Variants in PIK3R5 observed in about 807,000 individuals in gnomAD.
The protein encoded by PIK3R5 is phosphoinositide 3-kinase regulatory subunit 5.
In PIK3R5, 32 loss-of-function variants were observed where a neutral mutation model predicts 94.9. The observed-to-expected ratio is 0.34, with a 90% CI of 0.25 to 0.45. PIK3R5 has a LOEUF of 0.45. Among genes scored for constraint, PIK3R5 ranks in the 20% least tolerant of loss-of-function variants. The pLI, the probability that PIK3R5 is intolerant of heterozygous loss-of-function variation, is 1.00. For missense variants in PIK3R5, 853 were observed against 1,144.6 expected (o/e 0.75, Z 3.68); for synonymous variants, 443 against 479.4 (o/e 0.92, Z 0.99).
chr17:8,925,797 C>T lies in PIK3R5; in HGVS notation c.-13-14290G>A, dbSNP rs1175274108. 6.6e-6 allele frequency among the ~76,000 whole-genome samples: 1 copy of T among 152,188 alleles called. No homozygotes were observed. Among genetic ancestry groups the T allele is most frequent in the Non-Finnish European group, 1.5e-5 (1 of 68,036 alleles). The stretch of plus-strand genomic sequence containing the variant: ...CCTTGGATGCTTCATCCCCTTTTGT[C>T]TTTTCCTTTAATGCAGATAGATGCA... On this transcript the variant is annotated intron_variant, in intron 1 of 18. Transcript: ENST00000447110. The surrounding 1 kb of genome is among the most constrained non-coding windows in gnomAD (Gnocchi z 5.1).
intron 1 of PIK3R5, among the ~76,000 whole-genome samples, chr17:8,962,307 A>C (rs1479574207): frequency 6.6e-6 from 1 of 152,250 alleles, no homozygotes; most frequent in African/African-American, 2.4e-5. Context: ...AAAGAGAACG[A>C]AGCATGAATG....
At chr17:8,960,911 T>C (rs944260682) in intron 1 of PIK3R5, among the ~76,000 whole-genome samples, 25 of 144,006 alleles carry the variant, frequency 1.7e-4, no homozygotes, top group East Asian at 9.1e-4. Context: ...GACGCCTTGC[T>C]TGTGAGATCC....
intron 1 of PIK3R5, among the ~76,000 whole-genome samples, chr17:8,929,576 G>A (rs1461775542): frequency 6.6e-6 from 1 of 152,106 alleles, no homozygotes. Context: ...AGAAAACATA[G>A]ACAAACTCAT....
At position 8,884,318 on chromosome 17, in the gene PIK3R5, CA is replaced by C. The variant is rs902973120; in HGVS notation, c.2205+388del. Among the ~76,000 whole-genome samples the C allele has an allele frequency of 6.6e-6, 1 of 152,084 alleles. No homozygotes were observed. Among genetic ancestry groups the C allele is most frequent in the African/African-American group, 2.4e-5 (1 of 41,390 alleles). On this transcript the variant is annotated intron_variant, in intron 15 of 18. Coordinates refer to ENST00000447110, the MANE Select transcript of PIK3R5 (RefSeq NM_001142633.3). This position sits in a 1 kb window ranked among gnomAD's most constrained non-coding sequence, Gnocchi z 5.8. ...AGCTCTCCTCACTCCTTTCTCACGC[CA>C]ATCCCATCTTGCATGCAGCCTGCCA...
At position 8,905,690 on chromosome 17, in the gene PIK3R5, G is replaced by A. The variant is rs1302605911; in HGVS notation, c.252C>T (p.Leu84=). The A allele has an allele frequency of 2.5e-6, 4 of 1,606,640 alleles. No homozygotes were observed. The highest frequency in any genetic ancestry group is 3.4e-5 in the Admixed American group (2 of 59,116). The change falls in exon 4 of 19, where the codon CTC becomes CTT. Residue 84 remains leucine (L), a synonymous_variant. Transcript: ENST00000447110. Reference sequence around the variant, plus strand: ...TTACACAAAGAACAGTGGAATAGAAGAGCAGGGCCAGCGGGGTGAGCAGGT... The same window carrying A: ...TTACACAAAGAACAGTGGAATAGAAAAGCAGGGCCAGCGGGGTGAGCAGGT... ...TYDLLTPLAL[L]FYSTVLCTPH...
chr17:8,885,868 C>T (rs1410341103), intron 14 of PIK3R5, among the ~76,000 whole-genome samples: 11 of 108,226 alleles, frequency 1.0e-4, no homozygotes, highest in African/African-American at 1.2e-4. Context: ...AACTCCGCCT[C>T]CCCATGGCCC....
At chr17:8,932,387 A>C (rs540716718) in intron 1 of PIK3R5, among the ~76,000 whole-genome samples, 1 of 152,108 alleles carries the variant, frequency 6.6e-6, no homozygotes, top group Non-Finnish European at 1.5e-5. Flanking sequence ...GGCATGCACT[A>C]CCATGCCCAG....
chr17:8,953,316 C>T (rs979665190), intron 1 of PIK3R5, among the ~76,000 whole-genome samples: 1 of 152,206 alleles, frequency 6.6e-6, no homozygotes, highest in Non-Finnish European at 1.5e-5. Context: ...TTGATGCTTA[C>T]ATAAGGCTAG....
intron 1 of PIK3R5, among the ~76,000 whole-genome samples, chr17:8,964,184 G>C (rs2091620142): frequency 6.6e-6 from 1 of 152,056 alleles, no homozygotes; most frequent in South Asian, 2.1e-4. Flanking sequence ...TGAGCTCAAG[G>C]AATTTGGGAC....
chr17:8,963,374 C>T (rs75622745), intron 1 of PIK3R5, among the ~76,000 whole-genome samples: 6,475 of 152,226 alleles, frequency 0.043, 193 homozygotes, highest in Non-Finnish European at 0.061. Flanking sequence ...CTCTCCCACT[C>T]CTCAGCCAGC....
chr17:8,888,344 C>T lies in PIK3R5; in HGVS notation c.1443G>A (p.Gln481=), dbSNP rs201418918. 2 of 1,612,122 alleles carry T rather than the reference C, an allele frequency of 1.2e-6. No homozygotes were observed. The highest frequency in any genetic ancestry group is 2.2e-5 in the East Asian group (1 of 44,850). Residue 481 remains glutamine, a synonymous_variant, in exon 10 of 19, where the codon CAG becomes CAA. Transcript: ENST00000447110. The surrounding 1 kb of genome is among the most constrained non-coding windows in gnomAD (Gnocchi z 7.8). ...SRAQRSRSLP[Q]PKLGTQLPSW... ...TGGGCAGCTGGGTACCGAGTTTGGG[C>T]TGGGGCAGGGAGCGGGAGCGCTGGG...
chr17:8,911,468 C>A lies in PIK3R5; in HGVS notation c.27G>T (p.Thr9=). MQPGATTC[T]EDRIQHALER... ...CCAGGGCATGCTGGATGCGGTCCTC[C>A]GTGCATGTCGTGGCCCCTGGCTGCA... The change falls in exon 2 of 19, where the codon ACG becomes ACT. Residue 9 remains threonine, a synonymous_variant. Coordinates refer to ENST00000447110, the MANE Select transcript of PIK3R5 (RefSeq NM_001142633.3). This position sits in a 1 kb window ranked among gnomAD's most constrained non-coding sequence, Gnocchi z 5.3. 6.3e-7 allele frequency: 1 copy of A among 1,599,708 alleles called. No homozygotes were observed.
chr17:8,880,582 A>G lies in PIK3R5; in HGVS notation c.*57T>C. On this transcript the variant is annotated 3_prime_UTR_variant, in exon 19 of 19. Transcript: ENST00000447110. ...TCTCCACAGAGAGGGACTGTCCTGG[A>G]GGGGTGGCCGAGGAGGTTGCCCCAG... 1.3e-6 allele frequency: 2 copies of G among 1,501,514 alleles called. No homozygotes were observed. The highest frequency in any genetic ancestry group is 1.3e-5 in the South Asian group (1 of 76,508). 93.0% of individuals were successfully genotyped at this position (1,501,514 alleles called of 1,614,324 possible).
At chr17:8,903,307 A>G (rs1299346015) in intron 5 of PIK3R5, among the ~76,000 whole-genome samples, 2 of 151,612 alleles carry the variant, frequency 1.3e-5, no homozygotes, top group Non-Finnish European at 2.9e-5. Flanking sequence ...ATCTTCTTCC[A>G]TTATCTATCT....
intron 12 of PIK3R5, 52 bp downstream of exon 12, chr17:8,887,044 G>T: frequency 6.2e-7 from 1 of 1,606,784 alleles, no homozygotes; most frequent in South Asian, 1.1e-5. Flanking sequence ...TCTAAGTGAG[G>T]CTGGGTGACT....
At position 8,881,510 on chromosome 17, in the gene PIK3R5, C is replaced by T. The variant is rs986029315; in HGVS notation, c.2382+120G>A. On this transcript the variant is annotated intron_variant, in intron 17 of 18. Coordinates refer to ENST00000447110, the MANE Select transcript of PIK3R5 (RefSeq NM_001142633.3). This position sits in a 1 kb window ranked among gnomAD's most constrained non-coding sequence, Gnocchi z 4.8. Reference sequence around the variant, plus strand: ...TCACACACACACAAGTATGTACACACGGGTGTGTATGTGCACACATGCACA... The same window carrying T: ...TCACACACACACAAGTATGTACACATGGGTGTGTATGTGCACACATGCACA... 119 of 793,148 alleles carry T rather than the reference C, an allele frequency of 1.5e-4. No individual in the cohort carries two copies. The highest frequency in any genetic ancestry group is 1.1e-3 in the Admixed American group (53 of 48,398). 49.1% of individuals were successfully genotyped at this position (793,148 alleles called of 1,614,324 possible).
intron 6 of PIK3R5, among the ~76,000 whole-genome samples, chr17:8,891,597 C>CTTT (rs564434517): frequency 7.1e-6 from 1 of 140,582 alleles, no homozygotes; most frequent in African/African-American, 2.6e-5. Context: ...GAACCTTTCT[C>CTTT]TTTTTTTTTT....
chr17:8,884,883 AC>A lies in PIK3R5; in HGVS notation c.2129-101del. ...CCTGGGCCTTACCTCCCCATCCCCT[AC>A]CACATGGACCGTGACTCCCTAGGGA... On this transcript the variant is annotated intron_variant, in intron 14 of 18. Coordinates refer to ENST00000447110, the MANE Select transcript of PIK3R5 (RefSeq NM_001142633.3). This position sits in a 1 kb window ranked among gnomAD's most constrained non-coding sequence, Gnocchi z 5.8. 1.1e-6 allele frequency: 1 copy of A among 900,464 alleles called. No homozygotes were observed. Among genetic ancestry groups the A allele is most frequent in the Non-Finnish European group, 1.8e-6 (1 of 555,090 alleles). 55.8% of individuals were successfully genotyped at this position (900,464 alleles called of 1,614,324 possible). A position where few individuals can be genotyped will look rare whatever the true frequency, so the allele number is the denominator to read the frequency against.
chr17:8,931,822 T>G (rs2090991982), intron 1 of PIK3R5, among the ~76,000 whole-genome samples: 1 of 152,184 alleles, frequency 6.6e-6, no homozygotes, highest in South Asian at 2.1e-4. Flanking sequence ...GTGGAGGAAC[T>G]TCACTGGATA....
Sources: gnomAD v4.1 joint callset for allele counts (sites outside exome capture counted in the v4.1 genomes callset) on GRCh38, gnomAD v4.1.1 for gene constraint, Gnocchi (gnomAD v3.1) non-coding constraint, MANE v1.5 for transcripts, NCBI Gene and HGNC (gene_info 2026-07-23, HGNC 2026-07-21) for gene names.